Variants in NFATC3 observed in about 807,000 individuals in gnomAD.
NFATC3 encodes the protein nuclear factor of activated T cells 3.
NFATC3 carries 46 observed loss-of-function variants against 98.6 expected under a neutral mutation model. The ratio of observed to expected loss-of-function variants is 0.47; its 90% CI spans 0.37 to 0.60. The LOEUF is 0.60. Ranked by LOEUF, NFATC3 falls within the 20% of genes least tolerant of loss-of-function variation. NFATC3 has a pLI of 0.00. For synonymous variants in NFATC3, 512 were observed against 472.2 expected, an observed-to-expected ratio of 1.08 and a Z score of -1.09; for missense variants, 1,256 against 1,295.5, an observed-to-expected ratio of 0.97 and a Z score of 0.47.
At position 68,122,913 on chromosome 16, in the gene NFATC3, T is replaced by C. The variant is rs2036630907; in HGVS notation, c.1030T>C (p.Ser344Pro). 2.5e-6 allele frequency: 4 copies of C among 1,614,208 alleles called. No homozygotes were observed. Among genetic ancestry groups the C allele is most frequent in the Non-Finnish European group, 3.4e-6 (4 of 1,180,034 alleles). ...TDIPLKTRKT[S>P]EDQAAILPGK... ...CATCCCTCTCAAAACAAGGAAAACTTCTGAAGATCAAGCTGCCATACTACC... is the reference window on the plus strand; with the variant it reads ...CATCCCTCTCAAAACAAGGAAAACTCCTGAAGATCAAGCTGCCATACTACC... The change falls in exon 2 of 10, where the codon TCT (serine) becomes CCT (proline). Residue 344 changes from serine to proline, a missense_variant. Coordinates refer to ENST00000346183, the MANE Select transcript of NFATC3 (RefSeq NM_173165.3).
chr16:68,149,161 T>A (rs9938553), intron 3 of NFATC3, among the ~76,000 whole-genome samples: 27,892 of 151,872 alleles, frequency 0.18, 2,938 homozygotes, highest in African/African-American at 0.28. Context: ...AGCTAAAGGC[T>A]AGGCTTAATG....
In NFATC3 at chr16:68,204,762, T is replaced by C. The variant is rs116011191; in HGVS notation, c.3106+12987T>C. 7.7e-4 allele frequency among the ~76,000 whole-genome samples: 117 copies of C among 152,366 alleles called. 1 individual carries two copies. Among genetic ancestry groups the C allele is most frequent in the African/African-American group, 2.8e-3 (116 of 41,586 alleles). ...AAGATGTATTCTATTTTAAAATTGA[T>C]ATCCTTTTTTTGAGTTCCTTCGAAG... On this transcript the variant is annotated intron_variant, in intron 9 of 9. Transcript: ENST00000346183.
At chr16:68,157,650 C>G (rs1001388387) in intron 3 of NFATC3, among the ~76,000 whole-genome samples, 1 of 152,066 alleles carries the variant, frequency 6.6e-6, no homozygotes, top group African/African-American at 2.4e-5. Flanking sequence ...CAAAACCAAA[C>G]CCACATTCCT....
intron 4 of NFATC3, among the ~76,000 whole-genome samples, chr16:68,159,404 C>CTTTTTTTTTTTTTTTTTT (rs577760579): frequency 7.5e-6 from 1 of 133,358 alleles, no homozygotes; most frequent in Non-Finnish European, 1.6e-5. Flanking sequence ...ACCTTTCTTT[C>CTTTTTTTTTTTTTTTTTT]TTTTTTTTTT....
chr16:68,185,143 A>G (rs760623167), intron 8 of NFATC3, among the ~76,000 whole-genome samples: 1 of 151,772 alleles, frequency 6.6e-6, no homozygotes, highest in Non-Finnish European at 1.5e-5. Context: ...ACCCTGGCTA[A>G]TTTTTGTATT....
intron 1 of NFATC3, chr16:68,086,575 C>G: frequency 1.1e-6 from 1 of 900,280 alleles, no homozygotes; most frequent in Non-Finnish European, 1.3e-6. Context: ...GGACTTAGAG[C>G]TCTTTTGTGA....
Position 68,133,882 on chromosome 16 carries a change from T to A in NFATC3, c.1401+7272T>A, listed in dbSNP as rs549131986. On this transcript the variant is annotated intron_variant, in intron 3 of 9. Transcript: ENST00000346183. ...TATAAAGCTGCTTTGTGCCCTTTTT[T>A]TTAAAAAAAAAAAAAATGACTTTCG... is the stretch of plus-strand genomic sequence containing the variant. 1.7e-3 allele frequency among the ~76,000 whole-genome samples: 263 copies of A among 151,824 alleles called. 1 individual carries two copies. The highest frequency in any genetic ancestry group is 0.017 in the South Asian group (81 of 4,816).
chr16:68,155,648 G>C (rs1251503426), intron 3 of NFATC3, among the ~76,000 whole-genome samples: 1 of 152,170 alleles, frequency 6.6e-6, no homozygotes, highest in African/African-American at 2.4e-5. Flanking sequence ...CCACCCGCCA[G>C]GCCTTTAAAG....
rs145207348 is a variant in NFATC3 at position 68,164,750 on chromosome 16, C to G, written c.1602-2093C>G. The stretch of plus-strand genomic sequence containing the variant: ...AAAAAATTAGCCGGGCGTGGTGGTG[C>G]ACGCCTGTAATCCCAGCTACTTGGG... On this transcript the variant is annotated intron_variant, in intron 4 of 9. Transcript: ENST00000346183. Among the ~76,000 whole-genome samples the G allele has an allele frequency of 5.1e-3, 768 of 151,980 alleles. 8 individuals carry two copies. Among genetic ancestry groups the G allele is most frequent in the African/African-American group, 0.017 (700 of 41,426 alleles).
chr16:68,220,920 GA>G (rs528473011), intron 9 of NFATC3, among the ~76,000 whole-genome samples: 104 of 140,650 alleles, frequency 7.4e-4, no homozygotes, highest in Admixed American at 9.2e-4. Context: ...CTCTGTCTCA[GA>G]AAAAAAAAAA....
Position 68,191,758 on chromosome 16 carries a change from A to G in NFATC3, c.3089A>G (p.Asp1030Gly). 6.2e-7 allele frequency: 1 copy of G among 1,614,182 alleles called. No homozygotes were observed. Among genetic ancestry groups the G allele is most frequent in the Non-Finnish European group, 8.5e-7 (1 of 1,180,034 alleles). ...EPNFATIGLQ[D>G]ITLDDVNEII... The stretch of plus-strand genomic sequence containing the variant: ...AACTTTGCAACCATTGGTCTGCAGG[A>G]CATCACTTTAGATGATGGTAAGTTC... The change falls in exon 9 of 10, where the codon GAC becomes GGC. Residue 1030 changes from aspartate (D) to glycine (G), a missense_variant. Around this residue, in one of 3 missense-constraint regions of NFATC3, gnomAD observed 636 missense variants for 617.3 expected, o/e 1.03. Coordinates refer to ENST00000346183, the MANE Select transcript of NFATC3 (RefSeq NM_173165.3).
intron 9 of NFATC3, chr16:68,214,476 T>C: frequency 6.4e-7 from 1 of 1,562,320 alleles, no homozygotes; most frequent in Non-Finnish European, 8.8e-7. Context: ...TGCCCAAGTC[T>C]GGTATTTGCA....
intron 9 of NFATC3, among the ~76,000 whole-genome samples, chr16:68,206,231 A>T (rs2041138705): frequency 6.6e-6 from 1 of 152,234 alleles, no homozygotes; most frequent in Admixed American, 6.5e-5. Flanking sequence ...CCCATGAGAA[A>T]ATCCAAAGTT....
intron 1 of NFATC3, among the ~76,000 whole-genome samples, chr16:68,121,365 GT>G (rs764480895): frequency 1.5e-3 from 198 of 131,908 alleles, no homozygotes; most frequent in East Asian, 9.1e-3. Flanking sequence ...TTATGGATGT[GT>G]TTTTTTTTTT....
At chr16:68,199,205 G>A (rs1223489651) in intron 9 of NFATC3, among the ~76,000 whole-genome samples, 1 of 151,750 alleles carries the variant, frequency 6.6e-6, no homozygotes, top group Non-Finnish European at 1.5e-5. Context: ...AACAGACCAA[G>A]ACCCTGTTTA....
At chr16:68,177,140 C>T (rs749200342) in intron 6 of NFATC3, among the ~76,000 whole-genome samples, 1 of 151,594 alleles carries the variant, frequency 6.6e-6, no homozygotes, top group Non-Finnish European at 1.5e-5. Flanking sequence ...CTCTGCCTCC[C>T]GGGTTCAAGT....
rs1357934859 is a variant in NFATC3 at position 68,085,913 on chromosome 16, T to C, written c.103+129T>C. On this transcript the variant is annotated intron_variant, in intron 1 of 9. Coordinates refer to ENST00000346183, the MANE Select transcript of NFATC3 (RefSeq NM_173165.3). ...GTGTGTGTGTGTGCGCGCGCGTGTG[T>C]GTGGTGAGTTAAAAACGGATTTAAA... is the stretch of plus-strand genomic sequence containing the variant. 3 of 652,642 alleles carry C rather than the reference T, an allele frequency of 4.6e-6. No individual in the cohort carries two copies. In the East Asian group the frequency reaches 1.1e-4, roughly 23 times the overall value. The allele number at this position is 652,642 out of a possible 1,614,324, so 40.4% of individuals were successfully genotyped here.
intron 3 of NFATC3, among the ~76,000 whole-genome samples, chr16:68,148,243 C>T (rs866603281): frequency 2.6e-5 from 4 of 151,952 alleles, no homozygotes; most frequent in African/African-American, 9.7e-5. Flanking sequence ...CTCGAACTCC[C>T]GACCTCGGGT....
rs757964149 is a variant in NFATC3, at chr16:68,191,390, G to A, written c.2721G>A (p.Ser907=). The A allele has an allele frequency of 1.1e-5, 17 of 1,614,142 alleles. No homozygotes were observed. Among genetic ancestry groups the A allele is most frequent in the East Asian group, 2.2e-5 (1 of 44,884 alleles). ...CTGACCAGATTACAGGTCAGCCTTC[G>A]TCTCAGTTACAACCTATTACATATG... The part of the protein sequence containing the change: ...PVADQITGQP[S]SQLQPITYGP... The change falls in exon 9 of 10, where the codon TCG becomes TCA. Residue 907 remains serine (S), a synonymous_variant. Transcript: ENST00000346183.
Sources: gnomAD v4.1 joint callset for allele counts (sites outside exome capture counted in the v4.1 genomes callset) on GRCh38, gnomAD v4.1.1 for gene constraint, gnomAD v4.1.1 regional missense constraint, MANE v1.5 for transcripts, NCBI Gene and HGNC (gene_info 2026-07-23, HGNC 2026-07-21) for gene names.